The following NTM variants were observed in gnomAD, a reference collection of about 807,000 sequenced individuals.
The protein encoded by NTM is IgLON family member 2.
A neutral mutation model predicts 42.1 loss-of-function variants in NTM; 13 were observed. The observed-to-expected ratio is 0.31, with a 90% CI of 0.20 to 0.49. NTM has a LOEUF of 0.49. Ranked by LOEUF, NTM falls within the 20% of genes least tolerant of loss-of-function variation. The probability of loss-of-function intolerance (pLI) is 0.99; values close to 1 mark genes in which losing one functional copy is unlikely to be tolerated. For synonymous variants in NTM, 187 were observed against 179.2 expected, an observed-to-expected ratio of 1.04 and a Z score of -0.35; for missense variants, 373 against 452.8, an observed-to-expected ratio of 0.82 and a Z score of 1.60.
At chr11:131,574,016 A>G (rs1412199036) in intron 1 of NTM, among the ~76,000 whole-genome samples, 1 of 152,094 alleles carries the variant, frequency 6.6e-6, no homozygotes, top group Non-Finnish European at 1.5e-5. Context: ...TTTAAAGCAA[A>G]TTGCTCTATT....
Position 132,214,825 on chromosome 11 carries a change from G to A in NTM, c.526+2678G>A, listed in dbSNP as rs1210988728. Among the ~76,000 whole-genome samples the A allele has an allele frequency of 3.3e-5, 5 of 152,324 alleles. No homozygotes were observed. In the East Asian group the frequency reaches 9.7e-4, roughly 29 times the overall value. On this transcript the variant is annotated intron_variant, in intron 4 of 8. Coordinates refer to ENST00000683400, the MANE Select transcript of NTM (RefSeq NM_001352005.2). ...CAGAAGATGGAGCAAGGAAAGAGGA[G>A]CAGGACAATCAGAATGTACCTGTGG...
At chr11:131,371,851 A>C (rs891127732) in intron 1 of NTM, among the ~76,000 whole-genome samples, 10 of 152,238 alleles carry the variant, frequency 6.6e-5, no homozygotes, top group Non-Finnish European at 1.5e-4. Context: ...GTAAGGATCG[A>C]GACAAGCTGA....
intron 1 of NTM, among the ~76,000 whole-genome samples, chr11:131,789,542 GAA>G (rs1205956753): frequency 1.1e-4 from 2 of 19,022 alleles, no homozygotes; most frequent in African/African-American, 2.9e-4. Context: ...AGAAGAAGAA[GAA>G]GAAAAGAAGA....
intron 2 of NTM, among the ~76,000 whole-genome samples, chr11:132,086,020 A>G (rs1388386595): frequency 6.6e-6 from 1 of 152,142 alleles, no homozygotes; most frequent in East Asian, 1.9e-4. Context: ...CCTTTCATAC[A>G]TGCATTAAGA....
intron 1 of NTM, among the ~76,000 whole-genome samples, chr11:131,856,045 G>A (rs956177104): frequency 2.6e-5 from 4 of 152,334 alleles, no homozygotes; most frequent in African/African-American, 9.6e-5. Context: ...CTCCTGGACT[G>A]ATTAGACAGT....
intron 2 of NTM, among the ~76,000 whole-genome samples, chr11:132,112,766 G>T (rs2063393326): frequency 6.8e-6 from 1 of 147,468 alleles, no homozygotes. Flanking sequence ...CACATTACAT[G>T]GCAAGTCTTC....
intron 2 of NTM, among the ~76,000 whole-genome samples, chr11:131,969,953 C>G (rs1403465113): frequency 1.3e-5 from 2 of 152,176 alleles, no homozygotes; most frequent in Admixed American, 1.3e-4. Flanking sequence ...GTAGCAGGGA[C>G]CACAAGTGCG....
At chr11:131,572,195 T>A (rs1203561339) in intron 1 of NTM, among the ~76,000 whole-genome samples, 4 of 152,102 alleles carry the variant, frequency 2.6e-5, no homozygotes, top group Non-Finnish European at 5.9e-5. Context: ...AGAAAGGATA[T>A]CACTGGCCAC....
intron 4 of NTM, among the ~76,000 whole-genome samples, chr11:132,264,247 G>A (rs2093042272): frequency 6.6e-6 from 1 of 152,164 alleles, no homozygotes; most frequent in African/African-American, 2.4e-5. Flanking sequence ...TACTAGGGAA[G>A]CTATTGTGCA....
chr11:132,021,664 T>C (rs2074357895), intron 2 of NTM, among the ~76,000 whole-genome samples: 1 of 152,206 alleles, frequency 6.6e-6, no homozygotes, highest in South Asian at 2.1e-4. Flanking sequence ...TTTAATTTTA[T>C]ATCCTGTTTT....
At chr11:131,886,721 C>A (rs1426542029) in intron 1 of NTM, among the ~76,000 whole-genome samples, 1 of 152,206 alleles carries the variant, frequency 6.6e-6, no homozygotes, top group Non-Finnish European at 1.5e-5. Context: ...TCCTACAAAG[C>A]TCTGACCATT....
chr11:132,046,877 A>G (rs1019002835), intron 2 of NTM, among the ~76,000 whole-genome samples: 13 of 152,170 alleles, frequency 8.5e-5, no homozygotes, highest in Admixed American at 7.9e-4. Context: ...CTATTTATAA[A>G]TCATCAATCT....
At chr11:131,726,130 A>T (rs1310146393) in intron 1 of NTM, among the ~76,000 whole-genome samples, 1 of 152,120 alleles carries the variant, frequency 6.6e-6, no homozygotes, top group Non-Finnish European at 1.5e-5. Flanking sequence ...TACATGAGAA[A>T]AGCAGACTGG....
chr11:132,053,790 G>A lies in NTM; in HGVS notation c.168-92492G>A, dbSNP rs562810244. ...TTTTCTAAAGCAGAAGGCACTTAATGTAGGTTCTTTATTTTTTTGTGCTGA... is the reference window on the plus strand; with the variant it reads ...TTTTCTAAAGCAGAAGGCACTTAATATAGGTTCTTTATTTTTTTGTGCTGA... On this transcript the variant is annotated intron_variant, in intron 2 of 8. Coordinates refer to ENST00000683400, the MANE Select transcript of NTM (RefSeq NM_001352005.2). Among the ~76,000 whole-genome samples, 3 of 152,340 alleles carry A rather than the reference G, an allele frequency of 2.0e-5. No homozygotes were observed. In the South Asian group the frequency reaches 6.2e-4, roughly 32 times the overall value.
intron 1 of NTM, among the ~76,000 whole-genome samples, chr11:131,667,200 C>A (rs75233290): frequency 0.032 from 4,890 of 152,216 alleles, 253 homozygotes; most frequent in African/African-American, 0.11. Flanking sequence ...CAATTCTGGG[C>A]AGAATCTACA....
chr11:131,883,673 G>A (rs566140221), intron 1 of NTM, among the ~76,000 whole-genome samples: 2 of 152,252 alleles, frequency 1.3e-5, no homozygotes, highest in Admixed American at 6.5e-5. Context: ...CTTAGTTTAC[G>A]AACTCGGTGT....
At chr11:131,895,928 C>T (rs1239389353) in intron 1 of NTM, among the ~76,000 whole-genome samples, 1 of 152,242 alleles carries the variant, frequency 6.6e-6, no homozygotes. Context: ...CCAAGAAGAA[C>T]GTCTAGTCCA....
intron 1 of NTM, chr11:131,538,746 G>A (rs1289633033): frequency 2.0e-5 from 3 of 152,186 alleles, no homozygotes; most frequent in African/African-American, 4.8e-5. Flanking sequence ...TGGGAATGAT[G>A]TTGGTCAATG....
intron 1 of NTM, among the ~76,000 whole-genome samples, chr11:131,724,478 T>C (rs781102267): frequency 6.6e-6 from 1 of 152,018 alleles, no homozygotes; most frequent in Non-Finnish European, 1.5e-5. Context: ...AAGAACACAA[T>C]GTGGTTTTAT....
Sources: allele counts gnomAD v4.1 joint callset (sites outside exome capture counted in the v4.1 genomes callset), GRCh38; gene constraint gnomAD v4.1.1; transcripts MANE v1.5; gene names NCBI Gene and HGNC (gene_info 2026-07-23, HGNC 2026-07-21).